The following CHD9 variants were observed in gnomAD, a reference collection of about 807,000 sequenced individuals.
CHD9 encodes the protein chromodomain helicase DNA binding protein 9.
In CHD9, 77 loss-of-function variants were observed where a neutral mutation model predicts 316.1. The ratio of observed to expected loss-of-function variants is 0.24; its 90% confidence interval spans 0.20 to 0.29. The LOEUF (loss-of-function observed/expected upper bound fraction) is 0.29, where lower values mean the gene tolerates loss of function less well. Ranked by LOEUF, CHD9 falls within the 10% of genes least tolerant of loss-of-function variation. The pLI is 1.00. For synonymous variants in CHD9, 1,129 were observed against 1,158.3 expected (o/e 0.97, Z 0.51); for missense variants, 2,763 against 3,438.1 (o/e 0.80, Z 4.91).
rs141686533 is a variant in CHD9, at chr16:53,059,664, A to G, written c.-165+4587A>G. Among the ~76,000 whole-genome samples, 158 of 152,314 alleles carry G rather than the reference A, an allele frequency of 1.0e-3. 1 individual carries two copies. Among genetic ancestry groups the G allele is most frequent in the African/African-American group, 3.5e-3 (147 of 41,562 alleles). On this transcript the variant is annotated intron_variant, in intron 1 of 38. Coordinates refer to ENST00000447540, the MANE Select transcript of CHD9 (RefSeq NM_001308319.2). ...CCACTCATGGGGCAGCCAGGCCTCAATCTGCCTCTTGTCTCTGCAGGATAA... is the reference window on the plus strand; with the variant it reads ...CCACTCATGGGGCAGCCAGGCCTCAGTCTGCCTCTTGTCTCTGCAGGATAA...
At chr16:53,222,871 G>A in intron 4 of CHD9, 116 bp downstream of exon 4, 1 of 563,024 alleles carries the variant, frequency 1.8e-6, no homozygotes. Context: ...TTTGTAGTAT[G>A]GTAGAAGTTG....
intron 2 of CHD9, among the ~76,000 whole-genome samples, chr16:53,162,562 A>G (rs1208780791): frequency 6.6e-6 from 1 of 152,182 alleles, no homozygotes; most frequent in African/African-American, 2.4e-5. Context: ...TGTGTAAGTG[A>G]AACATGTTAT....
At chr16:53,235,639 G>C (rs2048557734) in intron 11 of CHD9, among the ~76,000 whole-genome samples, 1 of 152,094 alleles carries the variant, frequency 6.6e-6, no homozygotes, top group South Asian at 2.1e-4. Context: ...ATCAGTTCGA[G>C]TTAGTGAGTT....
chr16:53,220,605 A>G (rs960321431), intron 3 of CHD9, among the ~76,000 whole-genome samples: 11 of 151,900 alleles, frequency 7.2e-5, no homozygotes, highest in Admixed American at 1.3e-4. Flanking sequence ...TATTTTTTTT[A>G]TTTATTCAAA....
At chr16:53,080,281 T>C (rs890297917) in intron 1 of CHD9, among the ~76,000 whole-genome samples, 3 of 152,194 alleles carry the variant, frequency 2.0e-5, no homozygotes, top group Non-Finnish European at 4.4e-5. Flanking sequence ...CTTTTTCTGG[T>C]TATCCCTTCC....
At chr16:53,271,666 T>C (rs1218581547) in intron 22 of CHD9, among the ~76,000 whole-genome samples, 2 of 152,068 alleles carry the variant, frequency 1.3e-5, no homozygotes, top group Non-Finnish European at 2.9e-5. Flanking sequence ...TTTCTTTAAC[T>C]ATCATTAATA....
intron 17 of CHD9, among the ~76,000 whole-genome samples, chr16:53,253,944 G>A (rs1433363178): frequency 6.6e-6 from 1 of 152,084 alleles, no homozygotes; most frequent in Non-Finnish European, 1.5e-5. Flanking sequence ...TGGGAGGTTG[G>A]GGCGGGTGGA....
rs199551017 is a variant in CHD9, at chr16:53,146,403, T to TTGTG, written c.-164-9513_-164-9510dup. ...GAGACTCTGTCTCAAAAAAAAAAAA[T>TTGTG]TGTGTGTGTGTGTATGTATATATAT... On this transcript the variant is annotated intron_variant, in intron 1 of 38. Transcript: ENST00000447540. Among the ~76,000 whole-genome samples, 79 of 31,604 alleles carry TTGTG rather than the reference T, an allele frequency of 2.5e-3. 2 individuals carry two copies. Among genetic ancestry groups the TTGTG allele is most frequent in the African/African-American group, 0.012 (70 of 5,750 alleles). The allele number at this position is 31,604 out of a possible 152,430, so 20.7% of individuals were successfully genotyped here.
chr16:53,269,725 A>G (rs1362248156), intron 22 of CHD9, among the ~76,000 whole-genome samples: 2 of 152,166 alleles, frequency 1.3e-5, no homozygotes, highest in African/African-American at 4.8e-5. Flanking sequence ...GGATTCCTCA[A>G]CAAATAAATT....
At chr16:53,198,212 C>T (rs1378424207) in intron 2 of CHD9, among the ~76,000 whole-genome samples, 2 of 151,810 alleles carry the variant, frequency 1.3e-5, no homozygotes, top group Admixed American at 6.6e-5. Flanking sequence ...GCATTTTACT[C>T]ATTGGTGATA....
At chr16:53,139,341 A>G (rs1305000740) in intron 1 of CHD9, among the ~76,000 whole-genome samples, 1 of 152,206 alleles carries the variant, frequency 6.6e-6, no homozygotes, top group Non-Finnish European at 1.5e-5. Flanking sequence ...TTGAAGGTAA[A>G]GGGTATAAAT....
rs945152254 is a variant in CHD9, at chr16:53,325,082, A to T, written c.*187A>T. ...ATTTCTTAAGATTCATAAGTTTCTGAACTCGTATGTACTATCAAATACATA... is the reference window on the plus strand; with the variant it reads ...ATTTCTTAAGATTCATAAGTTTCTGTACTCGTATGTACTATCAAATACATA... On this transcript the variant is annotated 3_prime_UTR_variant, in exon 39 of 39. Coordinates refer to ENST00000447540, the MANE Select transcript of CHD9 (RefSeq NM_001308319.2). 4.4e-4 allele frequency: 233 copies of T among 530,166 alleles called. No individual in the cohort carries two copies. The highest frequency in any genetic ancestry group is 6.3e-5 in the Non-Finnish European group (19 of 301,446). 32.8% of individuals were successfully genotyped at this position (530,166 alleles called of 1,614,324 possible). A position where few individuals can be genotyped will look rare whatever the true frequency, so the allele number is the denominator to read the frequency against.
intron 1 of CHD9, among the ~76,000 whole-genome samples, chr16:53,086,920 T>C (rs1216643150): frequency 1.3e-5 from 2 of 152,116 alleles, no homozygotes; most frequent in East Asian, 1.9e-4. Flanking sequence ...CCTCAACCAA[T>C]GGAAACTTAC....
At position 53,091,007 on chromosome 16, in the gene CHD9, C is replaced by CA. The variant is rs555506167; in HGVS notation, c.-165+35930_-165+35931insA. On this transcript the variant is annotated intron_variant, in intron 1 of 38. Transcript: ENST00000447540. ...TGGAGGATGGGAACAGCTCACCCCC[C>CA]CCCGACTGACCGCGGTGAGGCTCAG... 5.3e-5 allele frequency among the ~76,000 whole-genome samples: 8 copies of CA among 151,874 alleles called. No homozygotes were observed. In the East Asian group the frequency reaches 5.8e-4, roughly 11 times the overall value.
At chr16:53,307,006 C>G (rs1268503308) in intron 32 of CHD9, among the ~76,000 whole-genome samples, 1 of 152,096 alleles carries the variant, frequency 6.6e-6, no homozygotes, top group African/African-American at 2.4e-5. Flanking sequence ...TCTCGAACTC[C>G]TGACCTCAAG....
At position 53,268,014 on chromosome 16, in the gene CHD9, C is replaced by T. The variant is rs1008574602; in HGVS notation, c.4605C>T (p.Leu1535=). The T allele has an allele frequency of 6.2e-7, 1 of 1,613,476 alleles. No individual in the cohort carries two copies. The highest frequency in any genetic ancestry group is 1.3e-5 in the African/African-American group (1 of 74,876). ...ATGTAGAGATAATTTGCCGAGCTCT[C>T]TTAGCATATTGCCTTGTTCACTACC... is the stretch of plus-strand genomic sequence containing the variant. ...EHDVEIICRA[L]LAYCLVHYRG... The change falls in exon 22 of 39, where the codon CTC becomes CTT. Residue 1535 remains leucine (L), a synonymous_variant. Transcript: ENST00000447540.
chr16:53,242,773 A>C, intron 12 of CHD9, 67 bp from the exon 13 acceptor site: 1 of 1,388,406 alleles, frequency 7.2e-7, no homozygotes, highest in Non-Finnish European at 1.0e-6. Flanking sequence ...ATCTGATGCC[A>C]CTTGACAGGA....
intron 34 of CHD9, among the ~76,000 whole-genome samples, chr16:53,313,307 C>T (rs928368995): frequency 1.3e-5 from 2 of 151,732 alleles, no homozygotes; most frequent in African/African-American, 2.4e-5. Context: ...ATAAAAAGGA[C>T]AAAGTGTTTT....
intron 1 of CHD9, among the ~76,000 whole-genome samples, chr16:53,055,290 C>T (rs1031089865): frequency 2.2e-4 from 34 of 152,334 alleles, no homozygotes; most frequent in African/African-American, 8.2e-4. Context: ...ACGCTCGCAT[C>T]CTCCCCAGCC....
Sources: gnomAD v4.1 joint callset for allele counts (sites outside exome capture counted in the v4.1 genomes callset) on GRCh38, gnomAD v4.1.1 for gene constraint, MANE v1.5 for transcripts, NCBI Gene and HGNC (gene_info 2026-07-23, HGNC 2026-07-21) for gene names.